The following FMN1 variants were observed in gnomAD, a reference collection of about 807,000 sequenced individuals.
FMN1 encodes the protein formin 1.
A neutral mutation model predicts 132.4 loss-of-function variants in FMN1; 110 were observed. The ratio of observed to expected loss-of-function variants is 0.83; its 90% CI spans 0.71 to 0.97. The LOEUF (loss-of-function observed/expected upper bound fraction) is 0.97. Among genes scored for constraint, FMN1 ranks in the 50% least tolerant of loss-of-function variants. The probability of loss-of-function intolerance (pLI) is 0.00; values close to 1 mark genes in which losing one functional copy is unlikely to be tolerated. For missense variants in FMN1, 1,792 were observed against 1,705.3 expected, an observed-to-expected ratio of 1.05 and a Z score of -0.90; for synonymous variants, 722 against 651.7, an observed-to-expected ratio of 1.11 and a Z score of -1.64.
rs1289088498 is a variant in FMN1 at position 33,154,364 on chromosome 15, C to A, written c.551G>T (p.Gly184Val). ...QKRTKRKGRG[G>V]RESAPLMGKD... is the part of the protein sequence containing the mutation. The stretch of plus-strand genomic sequence containing the variant: ...GCCCATCAGAGGAGCTGATTCTCGG[C>A]CTCCACGCCCTTTTCTTTTGGTCCT... The change falls in exon 4 of 21, where the codon GGC (glycine) becomes GTC (valine). Residue 184 changes from glycine to valine, a missense_variant. Gly to Val is a moderately radical substitution (Grantham distance 109). Transcript: ENST00000616417. 1 of 1,536,030 alleles carries A rather than the reference C, an allele frequency of 6.5e-7. No individual in the cohort carries two copies. The highest frequency in any genetic ancestry group is 8.7e-7 in the Non-Finnish European group (1 of 1,146,924).
At chr15:32,897,411 C>G (rs186694892) in intron 15 of FMN1, among the ~76,000 whole-genome samples, 4 of 152,138 alleles carry the variant, frequency 2.6e-5, no homozygotes, top group African/African-American at 7.2e-5. Flanking sequence ...CCCAAAAAAT[C>G]TTTAAATTTA....
intron 6 of FMN1, among the ~76,000 whole-genome samples, chr15:33,039,299 T>C (rs1048111415): frequency 6.6e-6 from 1 of 152,050 alleles, no homozygotes; most frequent in African/African-American, 2.4e-5. Flanking sequence ...TTGACAGGTA[T>C]GAGATATTAA....
chr15:33,052,077 T>A (rs1302766464), intron 6 of FMN1, among the ~76,000 whole-genome samples: 1 of 152,208 alleles, frequency 6.6e-6, no homozygotes, highest in Non-Finnish European at 1.5e-5. Flanking sequence ...GCTAACACTA[T>A]CACTAATTAG....
At chr15:33,033,022 GTTTCGT>G (rs1469472690) in intron 6 of FMN1, among the ~76,000 whole-genome samples, 1 of 151,996 alleles carries the variant, frequency 6.6e-6, no homozygotes, top group East Asian at 1.9e-4. Flanking sequence ...TACTATTACT[GTTTCGT>G]TTTCGTTTGT....
At chr15:33,098,275 T>C (rs2039161546) in intron 4 of FMN1, among the ~76,000 whole-genome samples, 1 of 152,194 alleles carries the variant, frequency 6.6e-6, no homozygotes, top group African/African-American at 2.4e-5. Flanking sequence ...ATAGGGCTGA[T>C]GGCATTTCTC....
At chr15:32,786,756 A>T (rs928660765) in intron 19 of FMN1, among the ~76,000 whole-genome samples, 1 of 152,252 alleles carries the variant, frequency 6.6e-6, no homozygotes, top group Non-Finnish European at 1.5e-5. Flanking sequence ...TATTAACGCC[A>T]TAAGGGCTGT....
intron 7 of FMN1, among the ~76,000 whole-genome samples, chr15:32,991,548 G>A (rs1486858778): frequency 2.0e-5 from 3 of 152,138 alleles, no homozygotes; most frequent in Admixed American, 2.0e-4. Context: ...CTGCAGCCTC[G>A]TGTTCTTTCT....
chr15:33,096,582 CTT>C (rs1194391857), intron 4 of FMN1, among the ~76,000 whole-genome samples: 8 of 152,084 alleles, frequency 5.3e-5, no homozygotes, highest in Admixed American at 4.6e-4. Context: ...GGATTTATCA[CTT>C]TCTCTCCCAA....
chr15:33,115,994 G>A (rs2140148431), intron 4 of FMN1, among the ~76,000 whole-genome samples: 1 of 152,234 alleles, frequency 6.6e-6, no homozygotes. Context: ...GGGCTGGGCT[G>A]AATTAAAGAA....
chr15:33,046,823 G>GA (rs1441602952), intron 6 of FMN1, among the ~76,000 whole-genome samples: 2 of 126,178 alleles, frequency 1.6e-5, no homozygotes, highest in Non-Finnish European at 3.4e-5. Context: ...TTGATTAATG[G>GA]AAAAAATGAT....
intron 2 of FMN1, among the ~76,000 whole-genome samples, chr15:33,188,912 A>T (rs916166344): frequency 2.6e-5 from 4 of 152,118 alleles, no homozygotes; most frequent in African/African-American, 9.7e-5. Flanking sequence ...CCACTGTATA[A>T]CTAGAAAAAT....
At chr15:32,988,660 G>C (rs1195611540) in intron 7 of FMN1, among the ~76,000 whole-genome samples, 3 of 152,206 alleles carry the variant, frequency 2.0e-5, no homozygotes, top group Non-Finnish European at 2.9e-5. Flanking sequence ...GCGTGGTCTT[G>C]AGCCCTCTTG....
chr15:32,812,047 CAAAA>C (rs374548172), intron 17 of FMN1, among the ~76,000 whole-genome samples: 4 of 130,052 alleles, frequency 3.1e-5, no homozygotes, highest in Non-Finnish European at 5.1e-5. Context: ...AACAAACAAA[CAAAA>C]CCACGAAATG....
At chr15:33,038,049 C>T (rs1458678058) in intron 6 of FMN1, among the ~76,000 whole-genome samples, 1 of 152,122 alleles carries the variant, frequency 6.6e-6, no homozygotes, top group Admixed American at 6.5e-5. Context: ...ACGGTAAAAC[C>T]CCATCTCTAC....
At chr15:33,191,684 T>C (rs1966084504) in intron 2 of FMN1, among the ~76,000 whole-genome samples, 1 of 152,222 alleles carries the variant, frequency 6.6e-6, no homozygotes, top group South Asian at 2.1e-4. Flanking sequence ...GAGGTTTGTT[T>C]CCTTCTTTAC....
intron 10 of FMN1, among the ~76,000 whole-genome samples, chr15:32,914,780 A>C (rs905166929): frequency 1.3e-5 from 2 of 152,140 alleles, no homozygotes; most frequent in Non-Finnish European, 2.9e-5. Flanking sequence ...GCCTGAAACC[A>C]CTCTGAGGCT....
chr15:33,176,321 G>A (rs949939805), intron 3 of FMN1, among the ~76,000 whole-genome samples: 2 of 151,934 alleles, frequency 1.3e-5, no homozygotes, highest in African/African-American at 4.8e-5. Context: ...GCCTGGCCAA[G>A]ATAGTAAAAC....
At chr15:32,955,390 T>C (rs1047921433) in intron 9 of FMN1, among the ~76,000 whole-genome samples, 35 of 152,224 alleles carry the variant, frequency 2.3e-4, no homozygotes, top group African/African-American at 8.2e-4. Context: ...AAAGCATCCA[T>C]GTGACCTGGA....
At chr15:33,000,188 G>A (rs900976468) in intron 7 of FMN1, among the ~76,000 whole-genome samples, 3 of 152,140 alleles carry the variant, frequency 2.0e-5, no homozygotes, top group Admixed American at 6.5e-5. Flanking sequence ...GATGGCTCAC[G>A]CCTGTAATCC....
Sources: allele counts gnomAD v4.1 joint callset (sites outside exome capture counted in the v4.1 genomes callset), GRCh38; gene constraint gnomAD v4.1.1; transcripts MANE v1.5; gene names NCBI Gene and HGNC (gene_info 2026-07-23, HGNC 2026-07-21).